The following LRRTM4 variants were observed in gnomAD, a reference collection of about 807,000 sequenced individuals.
LRRTM4 encodes leucine rich repeat transmembrane neuronal 4, also known as leucine-rich repeat transmembrane neuronal protein 4.
Under a neutral mutation model 47.6 loss-of-function variants are expected in LRRTM4, and 25 were observed. The ratio of observed to expected loss-of-function variants is 0.53; its 90% CI spans 0.38 to 0.73. The LOEUF is 0.73. Ranked by LOEUF, LRRTM4 falls within the 30% of genes least tolerant of loss-of-function variation. LRRTM4 has a pLI of 0.00. For missense variants in LRRTM4, 638 were observed against 713.4 expected (o/e 0.89, Z 1.20); for synonymous variants, 311 against 269.5 (o/e 1.15, Z -1.51).
At position 77,219,956 on chromosome 2, in the gene LRRTM4, C is replaced by T. The variant is rs1006315136; in HGVS notation, c.1551+298362G>A. On this transcript the variant is annotated intron_variant, in intron 3 of 3. Coordinates refer to ENST00000409884, the MANE Select transcript of LRRTM4 (RefSeq NM_001134745.3). The stretch of plus-strand genomic sequence containing the variant: ...AGTAGCCTAACTGGGAGGCACCCCC[C>T]AGTAGGGGTGGACTGACATTTCACA... Among the ~76,000 whole-genome samples the T allele has an allele frequency of 3.9e-5, 6 of 152,290 alleles. No individual in the cohort carries two copies. The East Asian group carries it at 5.8e-4, about 15-fold the overall frequency.
chr2:77,183,426 A>G (rs1280826504), intron 3 of LRRTM4, among the ~76,000 whole-genome samples: 2 of 152,164 alleles, frequency 1.3e-5, no homozygotes, highest in South Asian at 2.1e-4. Flanking sequence ...AAAAGTCAGG[A>G]AACAACAGGT....
chr2:77,388,489 C>T (rs1673375022), intron 3 of LRRTM4, among the ~76,000 whole-genome samples: 1 of 152,074 alleles, frequency 6.6e-6, no homozygotes, highest in African/African-American at 2.4e-5. Flanking sequence ...TTACTGCGGC[C>T]ATTAAACTAT....
chr2:77,111,992 T>A (rs1404149151), intron 3 of LRRTM4, among the ~76,000 whole-genome samples: 2 of 152,156 alleles, frequency 1.3e-5, no homozygotes, highest in Non-Finnish European at 2.9e-5. Flanking sequence ...AAAAGTAGCC[T>A]GCAAGTGCAA....
At chr2:76,872,777 A>G (rs1445289492) in intron 3 of LRRTM4, among the ~76,000 whole-genome samples, 1 of 151,946 alleles carries the variant, frequency 6.6e-6, no homozygotes, top group Non-Finnish European at 1.5e-5. Context: ...TGGTGCCAGA[A>G]CCCTCCTGAA....
At position 77,458,749 on chromosome 2, in the gene LRRTM4, TTG is replaced by T. The variant is rs1432452154; in HGVS notation, c.1551+59567_1551+59568del. Among the ~76,000 whole-genome samples, 9 of 151,476 alleles carry T rather than the reference TTG, an allele frequency of 5.9e-5. No individual in the cohort carries two copies. In the East Asian group the frequency reaches 1.4e-3, roughly 23 times the overall value. On this transcript the variant is annotated intron_variant, in intron 3 of 3. Transcript: ENST00000409884. Reference sequence around the variant, plus strand: ...TTGCTACGGTTTATTCTGTAGAAATTTGTCAATATTTTCCAAATTTGATTGGC... The same window carrying T: ...TTGCTACGGTTTATTCTGTAGAAATTTCAATATTTTCCAAATTTGATTGGC...
intron 3 of LRRTM4, among the ~76,000 whole-genome samples, chr2:77,058,791 A>C (rs1021057022): frequency 9.2e-5 from 14 of 152,224 alleles, no homozygotes; most frequent in Non-Finnish European, 2.1e-4. Context: ...TGATTCAAAC[A>C]ATCTTATTTA....
chr2:77,162,269 G>C (rs1672750880), intron 3 of LRRTM4, among the ~76,000 whole-genome samples: 1 of 152,322 alleles, frequency 6.6e-6, no homozygotes, highest in Admixed American at 6.5e-5. Flanking sequence ...AGCAAGGCTG[G>C]GGGTGGGGCG....
At chr2:77,096,315 A>G (rs1340795269) in intron 3 of LRRTM4, among the ~76,000 whole-genome samples, 3 of 151,834 alleles carry the variant, frequency 2.0e-5, no homozygotes, top group African/African-American at 7.2e-5. Context: ...ATGTTCATGT[A>G]TCATTCAGTT....
At chr2:77,320,268 G>T (rs1228238701) in intron 3 of LRRTM4, among the ~76,000 whole-genome samples, 1 of 152,132 alleles carries the variant, frequency 6.6e-6, no homozygotes, top group Non-Finnish European at 1.5e-5. Flanking sequence ...AAAGGAAAAA[G>T]AAATAATAAT....
At chr2:77,446,597 C>T (rs1676062266) in intron 3 of LRRTM4, among the ~76,000 whole-genome samples, 1 of 152,024 alleles carries the variant, frequency 6.6e-6, no homozygotes, top group Admixed American at 6.6e-5. Context: ...CCAACATAAA[C>T]TCATACCTTT....
chr2:77,034,683 G>C (rs1678775644), intron 3 of LRRTM4, among the ~76,000 whole-genome samples: 1 of 151,834 alleles, frequency 6.6e-6, no homozygotes, highest in African/African-American at 2.4e-5. Flanking sequence ...ATTGAGGTTT[G>C]ATCACTTTGG....
chr2:77,008,037 G>T (rs532114461), intron 3 of LRRTM4, among the ~76,000 whole-genome samples: 1 of 152,254 alleles, frequency 6.6e-6, no homozygotes, highest in African/African-American at 2.4e-5. Context: ...AATACAGAAG[G>T]AAAATGTAAA....
At position 77,311,488 on chromosome 2, in the gene LRRTM4, A is replaced by T. The variant is rs1427666133; in HGVS notation, c.1551+206830T>A. On this transcript the variant is annotated intron_variant, in intron 3 of 3. Transcript: ENST00000409884. ...GCCGTGGGAAATTAGGCAAGCTTCA[A>T]GTCCTTGCTTTGCACATCATTAAAG... Among the ~76,000 whole-genome samples the T allele has an allele frequency of 2.6e-5, 4 of 152,234 alleles. No homozygotes were observed. The East Asian group carries it at 7.7e-4, about 29-fold the overall frequency.
At chr2:76,796,126 C>A (rs1369189752) in intron 3 of LRRTM4, among the ~76,000 whole-genome samples, 1 of 142,012 alleles carries the variant, frequency 7.0e-6, no homozygotes, top group Non-Finnish European at 1.6e-5. Flanking sequence ...AAAAACGGCA[C>A]ACCACAAGAT....
At chr2:77,102,669 A>G (rs1289962667) in intron 3 of LRRTM4, among the ~76,000 whole-genome samples, 1 of 152,192 alleles carries the variant, frequency 6.6e-6, no homozygotes, top group Non-Finnish European at 1.5e-5. Context: ...AAGTGCAGGA[A>G]AAAGACTGAA....
chr2:77,204,512 C>T (rs1473300668), intron 3 of LRRTM4, among the ~76,000 whole-genome samples: 2 of 151,934 alleles, frequency 1.3e-5, no homozygotes, highest in Non-Finnish European at 1.5e-5. Context: ...GGGAATTAGG[C>T]CAGGTGGATA....
intron 3 of LRRTM4, among the ~76,000 whole-genome samples, chr2:76,815,325 C>T (rs1419292401): frequency 6.6e-6 from 1 of 151,904 alleles, no homozygotes; most frequent in Non-Finnish European, 1.5e-5. Flanking sequence ...GTGTTGCTCA[C>T]GTGATAGGGA....
At chr2:77,223,207 C>G (rs181239519) in intron 3 of LRRTM4, among the ~76,000 whole-genome samples, 8 of 152,026 alleles carry the variant, frequency 5.3e-5, no homozygotes, top group African/African-American at 1.9e-4. Flanking sequence ...TGGGGTGTAT[C>G]TCAAAAATAT....
At chr2:76,958,406 G>A (rs539260500) in intron 3 of LRRTM4, among the ~76,000 whole-genome samples, 4 of 151,724 alleles carry the variant, frequency 2.6e-5, no homozygotes, top group South Asian at 2.1e-4. Flanking sequence ...AAAGAGCTGC[G>A]CTTGTAACGC....
Sources: gnomAD v4.1 joint callset for allele counts (sites outside exome capture counted in the v4.1 genomes callset) on GRCh38, gnomAD v4.1.1 for gene constraint, MANE v1.5 for transcripts, NCBI Gene and HGNC (gene_info 2026-07-23, HGNC 2026-07-21) for gene names.